The following RASA1 variants were observed in gnomAD, a reference collection of about 807,000 sequenced individuals.
RASA1 encodes ras GTPase-activating protein 1.
A neutral mutation model predicts 132.2 loss-of-function variants in RASA1; 25 were observed. That is an observed-to-expected ratio of 0.19 (90% confidence interval 0.14 to 0.26). The LOEUF (loss-of-function observed/expected upper bound fraction) is 0.26, where lower values mean the gene tolerates loss of function less well. RASA1 is among the 10% of genes least tolerant of loss of function. The probability of loss-of-function intolerance (pLI) is 1.00; values close to 1 mark genes in which losing one functional copy is unlikely to be tolerated. For missense variants in RASA1, 964 were observed against 1,299.2 expected (o/e 0.74, Z 3.97); for synonymous variants, 477 against 449.9 (o/e 1.06, Z -0.76).
At chr5:87,285,668 A>T (rs1463976218) in intron 1 of RASA1, among the ~76,000 whole-genome samples, 2 of 136,152 alleles carry the variant, frequency 1.5e-5, no homozygotes, top group African/African-American at 2.9e-5. Context: ...CCTAGGCTGG[A>T]GTGCAATGGC....
At chr5:87,367,522 TTGCACAGCTG>T (rs1760613713) in intron 11 of RASA1, among the ~76,000 whole-genome samples, 1 of 152,184 alleles carries the variant, frequency 6.6e-6, no homozygotes. Flanking sequence ...ATGGCTTTAG[TTGCACAGCTG>T]TGCAATTTTT....
intron 7 of RASA1, among the ~76,000 whole-genome samples, chr5:87,346,975 G>GT (rs1370598106): frequency 2.6e-5 from 4 of 151,702 alleles, no homozygotes; most frequent in Admixed American, 6.6e-5. Context: ...CTAGGTGACA[G>GT]TTTTTTTTCC....
At position 87,338,096 on chromosome 5, in the gene RASA1, GTT is replaced by G. The variant is rs750346527; in HGVS notation, c.1017+8_1017+9del. 1 of 1,611,902 alleles carries G rather than the reference GTT, an allele frequency of 6.2e-7. No individual in the cohort carries two copies. ...GAAGACCTAGTAGAAGAGGTGGTAA[GTT>G]TTGTTCTTTTCTTCTCAATTCTAGA... On this transcript the variant is annotated splice_donor_region_variant and intron_variant, in intron 5 of 24. Coordinates refer to ENST00000274376, the MANE Select transcript of RASA1 (RefSeq NM_002890.3).
At chr5:87,330,883 T>C in intron 1 of RASA1, 1 of 1,109,562 alleles carries the variant, frequency 9.0e-7, no homozygotes, top group South Asian at 2.3e-5. Context: ...AATTCTGTTT[T>C]CCTGTCGCAG....
At chr5:87,297,635 A>G (rs1755180377) in intron 1 of RASA1, among the ~76,000 whole-genome samples, 1 of 152,222 alleles carries the variant, frequency 6.6e-6, no homozygotes, top group Non-Finnish European at 1.5e-5. Context: ...GCTCTGGTAA[A>G]TTAGTTTCTG....
intron 1 of RASA1, among the ~76,000 whole-genome samples, chr5:87,321,625 C>T (rs770467321): frequency 2.0e-5 from 3 of 152,246 alleles, no homozygotes; most frequent in Non-Finnish European, 4.4e-5. Flanking sequence ...ATGGCAAGGT[C>T]TGGATGCCAT....
chr5:87,369,086 T>G (rs1760737329), intron 11 of RASA1, among the ~76,000 whole-genome samples: 1 of 152,128 alleles, frequency 6.6e-6, no homozygotes, highest in South Asian at 2.1e-4. Flanking sequence ...CCTCCTAACA[T>G]TAGCATGATA....
chr5:87,353,680 AC>A (rs1759444230), intron 9 of RASA1, among the ~76,000 whole-genome samples: 1 of 151,880 alleles, frequency 6.6e-6, no homozygotes, highest in Non-Finnish European at 1.5e-5. Flanking sequence ...ATGTCTGTAT[AC>A]TCTGAGTGAA....
At chr5:87,310,050 T>C (rs566226182) in intron 1 of RASA1, among the ~76,000 whole-genome samples, 2 of 152,206 alleles carry the variant, frequency 1.3e-5, no homozygotes, top group African/African-American at 2.4e-5. Flanking sequence ...AGAGAGGTAA[T>C]ATAATGTTTT....
chr5:87,332,547 C>G lies in RASA1; in HGVS notation c.733C>G (p.Arg245Gly). ...TGGAGATTACTACATTGGTGGAAGA[C>G]GTTTTTCTTCACTGTCAGACCTAAT... ...MCGDYYIGGR[R>G]FSSLSDLIGY... The change falls in exon 3 of 25, where the codon CGT becomes GGT. Residue 245 changes from arginine to glycine, a missense_variant. Physicochemically the swap from Arg to Gly is moderately radical, Grantham distance 125. This residue lies in a region of RASA1 where 154 missense variants were observed against 286.5 expected (regional missense o/e 0.54). Transcript: ENST00000274376. 1 of 1,607,184 alleles carries G rather than the reference C, an allele frequency of 6.2e-7. No individual in the cohort carries two copies. Among genetic ancestry groups the G allele is most frequent in the Non-Finnish European group, 8.5e-7 (1 of 1,174,244 alleles).
rs956646179 is a variant in RASA1 at position 87,267,941 on chromosome 5, C to A, written c.-511C>A. On this transcript the variant is annotated 5_prime_UTR_variant, in exon 1 of 25. Coordinates refer to ENST00000274376, the MANE Select transcript of RASA1 (RefSeq NM_002890.3). ...GTCGATTTCCTCGTTACCCCGCCCC[C>A]CTTTCTCTTGCCCCCCCACCCCTCT... 7.6e-6 allele frequency: 3 copies of A among 392,318 alleles called. No homozygotes were observed. Among genetic ancestry groups the A allele is most frequent in the South Asian group, 1.4e-4 (1 of 7,342 alleles). 24.3% of individuals were successfully genotyped at this position (392,318 alleles called of 1,614,324 possible). A position where few individuals can be genotyped will look rare whatever the true frequency, so the allele number is the denominator to read the frequency against.
chr5:87,272,354 A>G (rs1355418461), intron 1 of RASA1, among the ~76,000 whole-genome samples: 1 of 152,028 alleles, frequency 6.6e-6, no homozygotes, highest in African/African-American at 2.4e-5. Flanking sequence ...TTCTTATTTC[A>G]TCTTAGTTAT....
chr5:87,390,826 A>G lies in RASA1; in HGVS notation c.3087A>G (p.Ile1029Met). Residue 1029 changes from isoleucine to methionine, a missense_variant, in exon 25 of 25, where the codon ATA (isoleucine) becomes ATG (methionine). Physicochemically the swap from Ile to Met is conservative, Grantham distance 10. Transcript: ENST00000274376. The stretch of plus-strand genomic sequence containing the variant: ...ACGTATTGAAAAAGCTTCTGGCTAT[A>G]ACAGAACTGCTTCAACAAAAACAAA... ...QQHVLKKLLA[I>M]TELLQQKQNQ... 6.2e-7 allele frequency: 1 copy of G among 1,613,472 alleles called. No homozygotes were observed. Among genetic ancestry groups the G allele is most frequent in the Non-Finnish European group, 8.5e-7 (1 of 1,179,420 alleles).
At chr5:87,389,660 A>C in intron 24 of RASA1, 133 bp downstream of exon 24, 1 of 1,210,010 alleles carries the variant, frequency 8.3e-7, no homozygotes, top group Non-Finnish European at 1.2e-6. Flanking sequence ...CATATTACAA[A>C]AGATCTCAGC....
intron 1 of RASA1, among the ~76,000 whole-genome samples, chr5:87,313,976 T>C (rs971351912): frequency 3.3e-5 from 5 of 151,840 alleles, no homozygotes; most frequent in African/African-American, 1.2e-4. Flanking sequence ...GAGACTACCC[T>C]GACCAACATG....
intron 1 of RASA1, among the ~76,000 whole-genome samples, chr5:87,321,861 T>C (rs1756840517): frequency 6.6e-6 from 1 of 152,236 alleles, no homozygotes; most frequent in Non-Finnish European, 1.5e-5. Flanking sequence ...GAGGGCATTA[T>C]GACCCACAGT....
rs137878395 is a variant in RASA1 at position 87,268,811 on chromosome 5, C to A, written c.360C>A (p.Pro120=). The stretch of plus-strand genomic sequence containing the variant: ...GAGACATGGCTCTCACCAAACTGCC[C>A]ACTTCGTTGCTTGCTGAGACTCTCG... ...PSGDMALTKL[P]TSLLAETLGP... is the part of the protein sequence containing the mutation. Residue 120 remains proline (P), a synonymous_variant, in exon 1 of 25, where the codon CCC becomes CCA. Transcript: ENST00000274376. 1,650 of 1,613,968 alleles carry A rather than the reference C, an allele frequency of 1.0e-3. 4 individuals are homozygous for A. Among genetic ancestry groups the A allele is most frequent in the Non-Finnish European group, 1.3e-3 (1,561 of 1,180,030 alleles).
At chr5:87,286,854 CCATATA>C (rs1368142579) in intron 1 of RASA1, among the ~76,000 whole-genome samples, 5 of 150,028 alleles carry the variant, frequency 3.3e-5, no homozygotes, top group Middle Eastern at 7.1e-3. Context: ...TATATATACA[CCATATA>C]CATATACACC....
chr5:87,280,128 G>T lies in RASA1; in HGVS notation c.539+11138G>T, dbSNP rs185767463. 1.7e-3 allele frequency among the ~76,000 whole-genome samples: 253 copies of T among 152,292 alleles called. 1 individual carries two copies. Among genetic ancestry groups the T allele is most frequent in the African/African-American group, 5.8e-3 (243 of 41,566 alleles). On this transcript the variant is annotated intron_variant, in intron 1 of 24. Transcript: ENST00000274376. Reference sequence around the variant, plus strand: ...TTTGTTCTGGCAGCCGACTGCATTGGATGGTGCCCACCCAGAGTGGGTCTT... The same window carrying T: ...TTTGTTCTGGCAGCCGACTGCATTGTATGGTGCCCACCCAGAGTGGGTCTT...
Sources: allele counts gnomAD v4.1 joint callset (sites outside exome capture counted in the v4.1 genomes callset), GRCh38; gene constraint gnomAD v4.1.1; regional missense constraint gnomAD v4.1.1; transcripts MANE v1.5; gene names NCBI Gene and HGNC (gene_info 2026-07-23, HGNC 2026-07-21).